The following KIF1C variants were observed in gnomAD, a reference collection of about 807,000 sequenced individuals.
KIF1C encodes the protein kinesin-like protein KIF1C.
A neutral mutation model predicts 126.5 loss-of-function variants in KIF1C; 61 were observed. The observed-to-expected ratio is 0.48, with a 90% confidence interval of 0.39 to 0.60. KIF1C has a LOEUF of 0.60. Ranked by LOEUF, KIF1C falls within the 20% of genes least tolerant of loss-of-function variation. KIF1C has a pLI of 0.00. For missense variants in KIF1C, 1,315 were observed against 1,489.2 expected (o/e 0.88, Z 1.93); for synonymous variants, 640 against 580.6 (o/e 1.10, Z -1.47).
chr17:5,011,140 G>A (rs1974857364), intron 16 of KIF1C, among the ~76,000 whole-genome samples: 1 of 152,192 alleles, frequency 6.6e-6, no homozygotes, highest in Non-Finnish European at 1.5e-5. Context: ...TTCTCAAGGT[G>A]GTGAGGATGA....
chr17:4,998,675 T>G (rs891119477), intron 1 of KIF1C, among the ~76,000 whole-genome samples: 14 of 152,206 alleles, frequency 9.2e-5, no homozygotes, highest in Non-Finnish European at 1.6e-4. Context: ...CCAGCTTCTG[T>G]GATTCCAGCT....
chr17:5,003,916 G>A lies in KIF1C; in HGVS notation c.864G>A (p.Met288Ile). ...AAGTGATCTCGGCCCTTGCAGATAT[G>A]GTGAGACCTGGGTGTTGGAAAGAAG... ...LGKVISALAD[M>I]QSKKRKSDFI... Residue 288 changes from methionine to isoleucine, a missense_variant and splice_region_variant, in exon 10 of 23, where the codon ATG (methionine) becomes ATA (isoleucine). Physicochemically the swap from Met to Ile is conservative, Grantham distance 10. Coordinates refer to ENST00000320785, the MANE Select transcript of KIF1C (RefSeq NM_006612.6). 1 of 1,613,618 alleles carries A rather than the reference G, an allele frequency of 6.2e-7. No individual in the cohort carries two copies. The highest frequency in any genetic ancestry group is 8.5e-7 in the Non-Finnish European group (1 of 1,179,628).
Position 5,002,850 on chromosome 17 carries a change from C to CA in KIF1C, c.720+8_720+9insA. The CA allele has an allele frequency of 6.6e-7, 1 of 1,515,696 alleles. No individual in the cohort carries two copies. The highest frequency in any genetic ancestry group is 8.9e-7 in the Non-Finnish European group (1 of 1,119,852). 93.9% of individuals were successfully genotyped at this position (1,515,696 alleles called of 1,614,324 possible). ...GGGCTGGACTCGGAGAAGGTGGGATCGCCCCCCCCCCCACTCCCCCACCGG... is the reference window on the plus strand; with the variant it reads ...GGGCTGGACTCGGAGAAGGTGGGATCAGCCCCCCCCCCCACTCCCCCACCGG... On this transcript the variant is annotated intron_variant, in intron 8 of 22. Coordinates refer to ENST00000320785, the MANE Select transcript of KIF1C (RefSeq NM_006612.6).
Position 5,023,538 on chromosome 17 carries a change from A to G in KIF1C, c.2699A>G (p.Glu900Gly), listed in dbSNP as rs762745722. 3 of 1,613,728 alleles carry G rather than the reference A, an allele frequency of 1.9e-6. No homozygotes were observed. Among genetic ancestry groups the G allele is most frequent in the Non-Finnish European group, 2.5e-6 (3 of 1,179,914 alleles). Residue 900 changes from glutamate to glycine, a missense_variant, in exon 23 of 23, where the codon GAG (glutamate) becomes GGG (glycine). Transcript: ENST00000320785. This position sits in a 1 kb window ranked among gnomAD's most constrained non-coding sequence, Gnocchi z 4.2. ...CCGCCTGAAGGATCAGAGGCAGCAG[A>G]GGAGGCAGCCCCCAGTGACCGCATG... is the stretch of plus-strand genomic sequence containing the variant. ...WAPPEGSEAA[E>G]EAAPSDRMPS... is the part of the protein sequence containing the mutation.
intron 16 of KIF1C, among the ~76,000 whole-genome samples, chr17:5,009,717 G>A (rs1219954530): frequency 1.3e-5 from 2 of 150,306 alleles, no homozygotes; most frequent in Admixed American, 6.6e-5. Context: ...GAACCCGGGA[G>A]GCAGAGGTTG....
chr17:5,024,012 A>G lies in KIF1C; in HGVS notation c.3173A>G (p.His1058Arg). Residue 1058 changes from histidine to arginine, a missense_variant, in exon 23 of 23, where the codon CAC (histidine) becomes CGC (arginine). By Grantham distance (29) the His-to-Arg change is conservative. This residue lies in a region of KIF1C where 441 missense variants were observed against 436.1 expected (regional missense o/e 1.01). Transcript: ENST00000320785. ...PEPQHFQPKK[H>R]NSYPQPPQPY... ...CCCCAGCACTTCCAGCCCAAAAAGC[A>G]CAACTCTTATCCCCAGCCACCCCAA... 1 of 1,598,238 alleles carries G rather than the reference A, an allele frequency of 6.3e-7. No individual in the cohort carries two copies. Among genetic ancestry groups the G allele is most frequent in the Non-Finnish European group, 8.5e-7 (1 of 1,171,994 alleles).
In KIF1C at chr17:5,000,365, C is replaced by G. The variant is rs779490368; in HGVS notation, c.106+13C>G. On this transcript the variant is annotated intron_variant, in intron 3 of 22. Coordinates refer to ENST00000320785, the MANE Select transcript of KIF1C (RefSeq NM_006612.6). Reference sequence around the variant, plus strand: ...GGCAACACCACCTGTGAGTGAGTCCCCGGGGCCTGGCTGGGCACAGGCAGG... The same window carrying G: ...GGCAACACCACCTGTGAGTGAGTCCGCGGGGCCTGGCTGGGCACAGGCAGG... 9 of 1,544,564 alleles carry G rather than the reference C, an allele frequency of 5.8e-6. No individual in the cohort carries two copies. Among genetic ancestry groups the G allele is most frequent in the Non-Finnish European group, 7.9e-6 (9 of 1,137,812 alleles).
At chr17:5,016,255 A>C (rs1312828262) in intron 18 of KIF1C, among the ~76,000 whole-genome samples, 1 of 150,956 alleles carries the variant, frequency 6.6e-6, no homozygotes, top group East Asian at 2.0e-4. Flanking sequence ...CTCCTGCCTC[A>C]GCCTCCCGAG....
chr17:5,023,469 A>T lies in KIF1C; in HGVS notation c.2630A>T (p.Asp877Val). ...RMERVIPLAQ[D>V]HEDENEEGGE... ...CCTTTTCTCACTCCTCCCTCCCAGG[A>T]TCATGAGGATGAGAATGAAGAAGGT... Residue 877 changes from aspartate to valine, a missense_variant and splice_region_variant, in exon 23 of 23, where the codon GAT (aspartate) becomes GTT (valine). Transcript: ENST00000320785. The surrounding 1 kb of genome is among the most constrained non-coding windows in gnomAD (Gnocchi z 4.2). 1.2e-6 allele frequency: 2 copies of T among 1,613,378 alleles called. No individual in the cohort carries two copies. Among genetic ancestry groups the T allele is most frequent in the Non-Finnish European group, 1.7e-6 (2 of 1,179,532 alleles).
Position 5,014,771 on chromosome 17 carries a change from C to A in KIF1C, c.1600C>A (p.Leu534Met). The A allele has an allele frequency of 6.2e-7, 1 of 1,600,134 alleles. No homozygotes were observed. Among genetic ancestry groups the A allele is most frequent in the Admixed American group, 1.7e-5 (1 of 57,674 alleles). Residue 534 changes from leucine to methionine, a missense_variant, in exon 18 of 23, where the codon CTG becomes ATG. Transcript: ENST00000320785. Reference protein sequence around the residue: ...RVGQVDMDIKLTGQFIREQHC... With the variant: ...RVGQVDMDIKMTGQFIREQHC... Reference sequence around the variant, plus strand: ...CGGCCAAGTAGATATGGACATCAAGCTGACCGGACAGTTCATTCGGGAGCA... The same window carrying A: ...CGGCCAAGTAGATATGGACATCAAGATGACCGGACAGTTCATTCGGGAGCA...
At chr17:4,998,316 C>T (rs982939712) in intron 1 of KIF1C, among the ~76,000 whole-genome samples, 160 bp downstream of exon 1, 3 of 152,152 alleles carry the variant, frequency 2.0e-5, no homozygotes, top group Admixed American at 6.5e-5. Context: ...CCCGGGCGGC[C>T]GCCGGCTGGC....
Position 5,004,092 on chromosome 17 carries a change from T to C in KIF1C, c.940+19T>C. The C allele has an allele frequency of 6.4e-7, 1 of 1,560,364 alleles. No homozygotes were observed. Among genetic ancestry groups the C allele is most frequent in the Non-Finnish European group, 8.8e-7 (1 of 1,131,890 alleles). Reference sequence around the variant, plus strand: ...AATTTGGGTGAGGGCCTCTTCCTCTTTCTCTGCCGACCCTGACACATCCCA... The same window carrying C: ...AATTTGGGTGAGGGCCTCTTCCTCTCTCTCTGCCGACCCTGACACATCCCA... On this transcript the variant is annotated intron_variant, in intron 11 of 22. Coordinates refer to ENST00000320785, the MANE Select transcript of KIF1C (RefSeq NM_006612.6).
intron 1 of KIF1C, chr17:4,999,034 C>T (rs1258168258): frequency 6.6e-6 from 1 of 152,258 alleles, no homozygotes; most frequent in Non-Finnish European, 1.5e-5. Context: ...GGACCCTCTA[C>T]CCTCAAACAC....
In KIF1C at chr17:5,024,345, G is replaced by A. The variant is rs1381426422; in HGVS notation, c.*194G>A. ...AAGGAAGAGGGCACGGAGTTGCCAGGAGCAAACCAAAGTGAAGAGAGAGAT... is the reference window on the plus strand; with the variant it reads ...AAGGAAGAGGGCACGGAGTTGCCAGAAGCAAACCAAAGTGAAGAGAGAGAT... On this transcript the variant is annotated 3_prime_UTR_variant, in exon 23 of 23. Transcript: ENST00000320785. 1 of 481,924 alleles carries A rather than the reference G, an allele frequency of 2.1e-6. No homozygotes were observed. Among genetic ancestry groups the A allele is most frequent in the Admixed American group, 3.8e-5 (1 of 26,186 alleles). The allele number at this position is 481,924 out of a possible 1,614,324, so 29.9% of individuals were successfully genotyped here. A position where few individuals can be genotyped will look rare whatever the true frequency, so the allele number is the denominator to read the frequency against.
chr17:5,014,100 C>G, intron 17 of KIF1C: 1 of 225,168 alleles, frequency 4.4e-6, no homozygotes. Flanking sequence ...GAGGGCTGGG[C>G]AGCTAAGGGC....
rs1302016886 is a variant in KIF1C, at chr17:5,026,275, T to C, written c.*2124T>C. The stretch of plus-strand genomic sequence containing the variant: ...CAGTTTAAAATCTGGCCAGGGAGAC[T>C]CAATGTGAGCAAGAAAATGATAGAA... On this transcript the variant is annotated 3_prime_UTR_variant, in exon 23 of 23. Transcript: ENST00000320785. 1 of 152,148 alleles carries C rather than the reference T, an allele frequency of 6.6e-6. No homozygotes were observed. The highest frequency in any genetic ancestry group is 1.5e-5 in the Non-Finnish European group (1 of 68,042). 9.4% of individuals were successfully genotyped at this position (152,148 alleles called of 1,614,324 possible). A position where few individuals can be genotyped will look rare whatever the true frequency, so the allele number is the denominator to read the frequency against.
chr17:5,011,119 CTT>C (rs749056173), intron 16 of KIF1C, among the ~76,000 whole-genome samples: 11 of 152,172 alleles, frequency 7.2e-5, no homozygotes, highest in Non-Finnish European at 1.5e-4. Context: ...AGGTAGTTCA[CTT>C]TTACATTTTT....
chr17:5,017,004 C>G (rs1372551713), intron 18 of KIF1C, among the ~76,000 whole-genome samples: 1 of 152,004 alleles, frequency 6.6e-6, no homozygotes, highest in Non-Finnish European at 1.5e-5. Context: ...TCAGTGACAG[C>G]AAATGCTTCC....
At position 5,025,588 on chromosome 17, in the gene KIF1C, G is replaced by T. The variant is rs907108793; in HGVS notation, c.*1437G>T. ...ATGCCAGCACTGGGAGGCCGAGGCAGGTGGATCACGAGGTCAGGAGATCGA... is the reference window on the plus strand; with the variant it reads ...ATGCCAGCACTGGGAGGCCGAGGCATGTGGATCACGAGGTCAGGAGATCGA... On this transcript the variant is annotated 3_prime_UTR_variant, in exon 23 of 23. Transcript: ENST00000320785. 6.6e-6 allele frequency: 1 copy of T among 152,200 alleles called. No homozygotes were observed. Among genetic ancestry groups the T allele is most frequent in the Non-Finnish European group, 1.5e-5 (1 of 68,058 alleles). 9.4% of individuals were successfully genotyped at this position (152,200 alleles called of 1,614,324 possible).
Sources: allele counts gnomAD v4.1 joint callset (sites outside exome capture counted in the v4.1 genomes callset), GRCh38; gene constraint gnomAD v4.1.1; regional missense constraint gnomAD v4.1.1; non-coding constraint Gnocchi (gnomAD v3.1); transcripts MANE v1.5; gene names NCBI Gene and HGNC (gene_info 2026-07-23, HGNC 2026-07-21).